The following MEGF10 variants were observed in gnomAD, a reference collection of about 807,000 sequenced individuals.
MEGF10 encodes multiple EGF like domains 10, also known as multiple epidermal growth factor-like domains protein 10.
Under a neutral mutation model 147.5 loss-of-function variants are expected in MEGF10, and 86 were observed. The ratio of observed to expected loss-of-function variants is 0.58; its 90% CI spans 0.49 to 0.70. The LOEUF is 0.70. Among genes scored for constraint, MEGF10 ranks in the 30% least tolerant of loss-of-function variants. The probability of loss-of-function intolerance (pLI) is 0.00; values close to 1 mark genes in which losing one functional copy is unlikely to be tolerated. For synonymous variants in MEGF10, 478 were observed against 525.5 expected (o/e 0.91, Z 1.24); for missense variants, 1,329 against 1,487.3 (o/e 0.89, Z 1.75).
intron 21 of MEGF10, among the ~76,000 whole-genome samples, chr5:127,448,373 G>C (rs1766027761): frequency 6.6e-6 from 1 of 152,182 alleles, no homozygotes; most frequent in South Asian, 2.1e-4. Flanking sequence ...AGAGGTTGGA[G>C]ACAGAGTGTC....
At position 127,426,898 on chromosome 5, in the gene MEGF10, A is replaced by G. The variant is rs371695985; in HGVS notation, c.1693+4126A>G. 6.1e-4 allele frequency among the ~76,000 whole-genome samples: 93 copies of G among 152,324 alleles called. 1 individual carries two copies. The highest frequency in any genetic ancestry group is 5.6e-3 in the South Asian group (27 of 4,826). On this transcript the variant is annotated intron_variant, in intron 13 of 24. Coordinates refer to ENST00000503335, the MANE Select transcript of MEGF10 (RefSeq NM_001256545.2). ...CTCATTCCCAGCCCTGGCTAAGATCACTGTCACCTGGGAACTCTTCGAACT... is the reference window on the plus strand; with the variant it reads ...CTCATTCCCAGCCCTGGCTAAGATCGCTGTCACCTGGGAACTCTTCGAACT...
At chr5:127,328,578 A>G (rs1305619090) in intron 1 of MEGF10, among the ~76,000 whole-genome samples, 1 of 152,218 alleles carries the variant, frequency 6.6e-6, no homozygotes, top group Non-Finnish European at 1.5e-5. Context: ...ATTAGTGTCA[A>G]TATTTTTACA....
At chr5:127,260,489 C>T in the MEGF10 span, among the ~76,000 whole-genome samples, 62 of 152,218 alleles carry the variant, frequency 4.1e-4, no homozygotes, top group African/African-American at 1.4e-3. Context: ...ATAACTAGGT[C>T]GCATGCTCAT....
chr5:127,275,472 G>A, the MEGF10 span, among the ~76,000 whole-genome samples: 1 of 152,178 alleles, frequency 6.6e-6, no homozygotes, highest in African/African-American at 2.4e-5. Context: ...GGAATGGCAA[G>A]GGACATAGAA....
At chr5:127,301,528 A>T (rs1759771097) in intron 1 of MEGF10, among the ~76,000 whole-genome samples, 3 of 152,072 alleles carry the variant, frequency 2.0e-5, no homozygotes, top group Non-Finnish European at 4.4e-5. Context: ...ATTTACACAA[A>T]CACATGTGAT....
chr5:127,433,442 T>G lies in MEGF10; in HGVS notation c.1773T>G (p.Ala591=), dbSNP rs764152053. The change falls in exon 14 of 25, where the codon GCT becomes GCG. Residue 591 remains alanine (A), a synonymous_variant. Coordinates refer to ENST00000503335, the MANE Select transcript of MEGF10 (RefSeq NM_001256545.2). The stretch of plus-strand genomic sequence containing the variant: ...TGCCCTGCTACTGTAAAAATGGGGC[T>G]TCATGCTCCCCTGATGATGGCATCT... ...CSLPCYCKNG[A]SCSPDDGICE... 3 of 1,613,958 alleles carry G rather than the reference T, an allele frequency of 1.9e-6. No homozygotes were observed. The highest frequency in any genetic ancestry group is 2.5e-6 in the Non-Finnish European group (3 of 1,179,958).
At chr5:127,290,142 G>A (rs1158316651), upstream of MEGF10, among the ~76,000 whole-genome samples, 1 of 152,138 alleles carries the variant, frequency 6.6e-6, no homozygotes, top group Non-Finnish European at 1.5e-5. Flanking sequence ...TGCCGCGCGA[G>A]GCCTCCGAGG....
chr5:127,398,579 A>G, intron 6 of MEGF10, 97 bp from the exon 7 acceptor site: 1 of 1,397,182 alleles, frequency 7.2e-7, no homozygotes, highest in Non-Finnish European at 1.0e-6. Context: ...TATTGAACAC[A>G]GAAAGCTTGT....
rs145661807 is a variant in MEGF10, at chr5:127,375,504, T to A, written c.412+5502T>A. On this transcript the variant is annotated intron_variant, in intron 5 of 24. Transcript: ENST00000503335. The stretch of plus-strand genomic sequence containing the variant: ...TAGGCTTAGACATATTCCTTCTTTT[T>A]AAATTTGATTAAATTATTGTTTTTA... 4.9e-3 allele frequency among the ~76,000 whole-genome samples: 742 copies of A among 152,390 alleles called. 9 individuals are homozygous for A. In the Middle Eastern group the frequency reaches 0.054, roughly 11 times the overall value.
At chr5:127,343,128 CT>C (rs1025061093) in intron 4 of MEGF10, among the ~76,000 whole-genome samples, 3 of 152,086 alleles carry the variant, frequency 2.0e-5, no homozygotes, top group African/African-American at 7.2e-5. Context: ...TTCATAGTCT[CT>C]TTTTTTCTAC....
intron 8 of MEGF10, among the ~76,000 whole-genome samples, chr5:127,406,469 G>A (rs866355837): frequency 6.6e-6 from 1 of 152,168 alleles, no homozygotes; most frequent in African/African-American, 2.4e-5. Flanking sequence ...GGACAACAAC[G>A]AATGGCCATG....
chr5:127,353,862 G>T lies in MEGF10; in HGVS notation c.319+13232G>T, dbSNP rs1414019115. The stretch of plus-strand genomic sequence containing the variant: ...ACAGAGGGAAGAGGTTTGGGGACTG[G>T]GTAACTCACTTTATTGCCTGGCAGG... On this transcript the variant is annotated intron_variant, in intron 4 of 24. Transcript: ENST00000503335. Among the ~76,000 whole-genome samples, 3 of 152,220 alleles carry T rather than the reference G, an allele frequency of 2.0e-5. No individual in the cohort carries two copies. The East Asian group carries it at 5.8e-4, about 29-fold the overall frequency.
chr5:127,424,497 A>G, intron 13 of MEGF10: 1 of 1,450,800 alleles, frequency 6.9e-7, no homozygotes, highest in Non-Finnish European at 9.0e-7. Context: ...CTTCAGATTC[A>G]TAAACATGGG....
chr5:127,370,694 G>A (rs1427630748), intron 5 of MEGF10, among the ~76,000 whole-genome samples: 2 of 152,088 alleles, frequency 1.3e-5, no homozygotes, highest in Non-Finnish European at 2.9e-5. Context: ...ATTATATCAT[G>A]GAATGTCATG....
intron 8 of MEGF10, among the ~76,000 whole-genome samples, chr5:127,408,611 T>C (rs1441780501): frequency 6.6e-6 from 1 of 152,216 alleles, no homozygotes; most frequent in Non-Finnish European, 1.5e-5. Flanking sequence ...TTATGCTGAG[T>C]ATTAGGTCAA....
At chr5:127,324,896 G>A (rs1760945411) in intron 1 of MEGF10, among the ~76,000 whole-genome samples, 1 of 152,048 alleles carries the variant, frequency 6.6e-6, no homozygotes, top group Admixed American at 6.6e-5. Flanking sequence ...TTGCCTTGTG[G>A]CCCCTCCTTG....
At chr5:127,381,165 G>A (rs1763248791) in intron 5 of MEGF10, among the ~76,000 whole-genome samples, 1 of 152,150 alleles carries the variant, frequency 6.6e-6, no homozygotes, top group South Asian at 2.1e-4. Context: ...GAACTTAGTT[G>A]TTAAATTTGT....
At chr5:127,289,757 G>C (rs1292762838), upstream of MEGF10, among the ~76,000 whole-genome samples, 1 of 152,242 alleles carries the variant, frequency 6.6e-6, no homozygotes, top group South Asian at 2.1e-4. Flanking sequence ...GTAGGGACTC[G>C]AACGCTCTTG....
At chr5:127,366,249 T>C (rs1762647622) in intron 4 of MEGF10, among the ~76,000 whole-genome samples, 2 of 152,152 alleles carry the variant, frequency 1.3e-5, no homozygotes, top group Non-Finnish European at 2.9e-5. Flanking sequence ...GAGAGTTCTA[T>C]AGCTTACTCT....
Sources: allele counts gnomAD v4.1 joint callset (sites outside exome capture counted in the v4.1 genomes callset), GRCh38; gene constraint gnomAD v4.1.1; transcripts MANE v1.5; gene names NCBI Gene and HGNC (gene_info 2026-07-23, HGNC 2026-07-21).